The following STARD13 variants were observed in gnomAD, a reference collection of about 807,000 sequenced individuals.
STARD13 encodes the protein stAR-related lipid transfer protein 13.
A neutral mutation model predicts 106.4 loss-of-function variants in STARD13; 62 were observed. The observed-to-expected ratio is 0.58, with a 90% CI of 0.48 to 0.72. STARD13 has a LOEUF of 0.72. STARD13 is among the 30% of genes least tolerant of loss of function. STARD13 has a pLI of 0.00. For synonymous variants in STARD13, 565 were observed against 553.0 expected (o/e 1.02, Z -0.31); for missense variants, 1,387 against 1,424.0 (o/e 0.97, Z 0.42).
At chr13:33,367,712 A>G in the STARD13 span, among the ~76,000 whole-genome samples, 1 of 151,420 alleles carries the variant, frequency 6.6e-6, no homozygotes, top group African/African-American at 2.4e-5. Flanking sequence ...CAGGCTGCCT[A>G]TCTAGCATGC....
the STARD13 span, among the ~76,000 whole-genome samples, chr13:33,395,839 T>G: frequency 6.6e-6 from 1 of 152,124 alleles, no homozygotes; most frequent in Non-Finnish European, 1.5e-5. Flanking sequence ...AACATTTATT[T>G]ATTTATTTAT....
the STARD13 span, among the ~76,000 whole-genome samples, chr13:33,517,770 G>A: frequency 6.6e-6 from 1 of 152,100 alleles, no homozygotes; most frequent in Non-Finnish European, 1.5e-5. Context: ...ATTGTGATTT[G>A]CCATTCTTTT....
At chr13:33,413,837 T>G in the STARD13 span, among the ~76,000 whole-genome samples, 24,298 of 151,404 alleles carry the variant, frequency 0.16, 4,450 homozygotes, top group African/African-American at 0.43. Flanking sequence ...TTCAAGACCA[T>G]CCTGGCTAAT....
chr13:33,552,399 C>G, the STARD13 span, among the ~76,000 whole-genome samples: 1 of 152,316 alleles, frequency 6.6e-6, no homozygotes, highest in East Asian at 1.9e-4. Flanking sequence ...TAAAACACAT[C>G]TGAATAGATT....
At chr13:33,613,105 G>A in the STARD13 span, among the ~76,000 whole-genome samples, 4 of 152,134 alleles carry the variant, frequency 2.6e-5, no homozygotes, top group Non-Finnish European at 5.9e-5. Context: ...ATGGGGGTTA[G>A]GTCAAAAATG....
intron 1 of STARD13, among the ~76,000 whole-genome samples, 154 bp downstream of exon 1, chr13:33,285,316 C>A (rs1434233369): frequency 6.6e-6 from 1 of 152,106 alleles, no homozygotes; most frequent in Non-Finnish European, 1.5e-5. Flanking sequence ...CTGAAAACTG[C>A]AGCCTAAAGT....
chr13:33,636,258 C>A, the STARD13 span, among the ~76,000 whole-genome samples: 10 of 151,968 alleles, frequency 6.6e-5, no homozygotes, highest in Admixed American at 6.6e-4. Flanking sequence ...TTTTGTAGCC[C>A]CTGACACTTG....
intron 1 of STARD13, among the ~76,000 whole-genome samples, chr13:33,349,725 G>A (rs762063952): frequency 3.3e-5 from 5 of 152,204 alleles, no homozygotes; most frequent in Admixed American, 6.5e-5. Context: ...CAGGGCCTGC[G>A]GACAGCCAGC....
intron 1 of STARD13, among the ~76,000 whole-genome samples, chr13:33,326,361 T>C (rs974413213): frequency 6.6e-6 from 1 of 152,200 alleles, no homozygotes; most frequent in Non-Finnish European, 1.5e-5. Context: ...AAAGAGGCCA[T>C]TAAGGTAAGA....
the STARD13 span, among the ~76,000 whole-genome samples, chr13:33,577,827 C>T: frequency 2.0e-5 from 3 of 151,928 alleles, no homozygotes; most frequent in Non-Finnish European, 4.4e-5. Context: ...AGATACAAAG[C>T]CAAAGCAAAA....
At chr13:33,554,045 A>G in the STARD13 span, among the ~76,000 whole-genome samples, 1 of 152,066 alleles carries the variant, frequency 6.6e-6, no homozygotes, top group African/African-American at 2.4e-5. Context: ...TCTCCCTTCC[A>G]TGAGTTTATG....
the STARD13 span, among the ~76,000 whole-genome samples, chr13:33,375,769 A>G: frequency 6.6e-6 from 1 of 152,226 alleles, no homozygotes; most frequent in African/African-American, 2.4e-5. Context: ...TGTGGGAACT[A>G]CAATTCAAAA....
chr13:33,201,484 T>C (rs1023086355), intron 1 of STARD13, among the ~76,000 whole-genome samples: 1 of 152,198 alleles, frequency 6.6e-6, no homozygotes, highest in African/African-American at 2.4e-5. Context: ...AAATGAGAGA[T>C]TGCCAAAAAA....
chr13:33,154,119 G>A (rs1881651663), intron 3 of STARD13, among the ~76,000 whole-genome samples: 1 of 152,206 alleles, frequency 6.6e-6, no homozygotes, highest in Admixed American at 6.5e-5. Flanking sequence ...ACTCCATGAG[G>A]GTGGGGCCTT....
chr13:33,286,951 A>G (rs1261976187), upstream of STARD13, among the ~76,000 whole-genome samples: 1 of 152,110 alleles, frequency 6.6e-6, no homozygotes, highest in Non-Finnish European at 1.5e-5. Context: ...TGTATATGTC[A>G]TTATAATTTT....
the STARD13 span, among the ~76,000 whole-genome samples, chr13:33,417,454 C>A: frequency 1.1e-4 from 17 of 152,102 alleles, no homozygotes; most frequent in African/African-American, 4.1e-4. Context: ...CATGTCCGCA[C>A]AAAAACCAGT....
the STARD13 span, chr13:33,658,487 T>G: frequency 1.3e-5 from 2 of 152,244 alleles, no homozygotes; most frequent in Non-Finnish European, 1.5e-5. Context: ...TTTCCTCTTC[T>G]GGTAAATAAG....
chr13:33,113,283 C>G (rs1035566735), intron 8 of STARD13: 3 of 381,282 alleles, frequency 7.9e-6, no homozygotes, highest in African/African-American at 6.2e-5. Context: ...GATTAGGACT[C>G]TGTCAACCTG....
At chr13:33,118,738 A>G (rs1875790942) in intron 7 of STARD13, among the ~76,000 whole-genome samples, 1 of 152,216 alleles carries the variant, frequency 6.6e-6, no homozygotes, top group Non-Finnish European at 1.5e-5. Context: ...TGGGTCGTGG[A>G]TGAAAGAATC....
Sources: allele counts gnomAD v4.1 joint callset (sites outside exome capture counted in the v4.1 genomes callset), GRCh38; gene constraint gnomAD v4.1.1; transcripts MANE v1.5; gene names NCBI Gene and HGNC (gene_info 2026-07-23, HGNC 2026-07-21).